Variants in MEIKIN observed in about 807,000 individuals in gnomAD.
MEIKIN encodes the protein meiosis-specific kinetochore protein.
At chr5:131,834,506 CCTGTCAACCACCATT>C (rs1288928139) in intron 11 of MEIKIN, among the ~76,000 whole-genome samples, 1 of 152,158 alleles carries the variant, frequency 6.6e-6, no homozygotes, top group Non-Finnish European at 1.5e-5. Context: ...AGCCCCAGCC[CCTGTCAACCACCATT>C]CTACTCTCTG....
At chr5:131,859,426 G>A (rs1389789925) in intron 9 of MEIKIN, among the ~76,000 whole-genome samples, 1 of 152,178 alleles carries the variant, frequency 6.6e-6, no homozygotes, top group East Asian at 1.9e-4. Flanking sequence ...AGATTTCTCT[G>A]GAATGGCTTA....
intron 11 of MEIKIN, among the ~76,000 whole-genome samples, chr5:131,820,807 G>A (rs548127239): frequency 5.3e-4 from 81 of 152,170 alleles, no homozygotes; most frequent in African/African-American, 1.7e-3. Flanking sequence ...GCATATAGTT[G>A]CTCATAGTGG....
At chr5:131,931,019 GCTT>G (rs1174414850) in intron 5 of MEIKIN, among the ~76,000 whole-genome samples, 1 of 152,076 alleles carries the variant, frequency 6.6e-6, no homozygotes, top group Non-Finnish European at 1.5e-5. Context: ...ATGTTTCCCT[GCTT>G]CTTAATTTTC....
intron 9 of MEIKIN, among the ~76,000 whole-genome samples, chr5:131,871,175 C>T (rs1469130403): frequency 6.6e-6 from 1 of 152,140 alleles, no homozygotes; most frequent in East Asian, 1.9e-4. Context: ...TGCAGTGCAC[C>T]GTGCGCAAGC....
At chr5:131,921,445 G>T (rs1751503886) in intron 6 of MEIKIN, among the ~76,000 whole-genome samples, 1 of 152,134 alleles carries the variant, frequency 6.6e-6, no homozygotes, top group Non-Finnish European at 1.5e-5. Flanking sequence ...ATCACCTGAG[G>T]TCAGGAGTTC....
intron 11 of MEIKIN, among the ~76,000 whole-genome samples, chr5:131,837,804 C>G (rs982647939): frequency 1.3e-5 from 2 of 152,102 alleles, no homozygotes; most frequent in Non-Finnish European, 2.9e-5. Context: ...AGTCAGCAAA[C>G]AGGAATAGTT....
intron 11 of MEIKIN, among the ~76,000 whole-genome samples, chr5:131,819,695 G>A (rs1403404603): frequency 1.4e-5 from 2 of 143,688 alleles, no homozygotes; most frequent in African/African-American, 2.6e-5. Context: ...TGCCTCCCAC[G>A]TTCAAGTGAT....
In MEIKIN at chr5:131,851,388, A is replaced by G. The variant is rs1750112431; in HGVS notation, c.856-5T>C. ...TTGCACTGAGGACAAATCAATCTAT[A>G]AAAGAATACATTATTGTTTTGTGGA... is the stretch of plus-strand genomic sequence containing the variant. On this transcript the variant is annotated splice_polypyrimidine_tract_variant and splice_region_variant and intron_variant, in intron 10 of 12. Coordinates refer to ENST00000442687, the MANE Select transcript of MEIKIN (RefSeq NM_001303622.2). The G allele has an allele frequency of 2.5e-6, 1 of 397,776 alleles. No homozygotes were observed. Among genetic ancestry groups the G allele is most frequent in the African/African-American group, 2.1e-5 (1 of 48,590 alleles). The allele number at this position is 397,776 out of a possible 1,614,324, so 24.6% of individuals were successfully genotyped here.
intron 8 of MEIKIN, among the ~76,000 whole-genome samples, chr5:131,884,627 G>C (rs925683226): frequency 6.6e-6 from 1 of 151,938 alleles, no homozygotes; most frequent in Non-Finnish European, 1.5e-5. Context: ...TATGGGAAGA[G>C]ACTCTCTGCC....
intron 8 of MEIKIN, among the ~76,000 whole-genome samples, chr5:131,910,940 A>C (rs1301337404): frequency 6.6e-6 from 1 of 152,088 alleles, no homozygotes; most frequent in Non-Finnish European, 1.5e-5. Context: ...CCTAGGTAAA[A>C]TCATGGTTGA....
At chr5:131,889,164 T>G (rs1046472041) in intron 8 of MEIKIN, among the ~76,000 whole-genome samples, 2 of 152,182 alleles carry the variant, frequency 1.3e-5, no homozygotes, top group African/African-American at 4.8e-5. Context: ...AGCTTTGTTC[T>G]TTTGGCTTAG....
At chr5:131,832,238 T>C (rs112816396) in intron 11 of MEIKIN, among the ~76,000 whole-genome samples, 15,861 of 152,132 alleles carry the variant, frequency 0.1, 1,928 homozygotes, top group African/African-American at 0.3. Context: ...ATGGGAGAAA[T>C]TGGCCAAAAC....
chr5:131,941,245 G>A lies in MEIKIN; in HGVS notation c.349+1390C>T, dbSNP rs183440853. Among the ~76,000 whole-genome samples, 314 of 119,048 alleles carry A rather than the reference G, an allele frequency of 2.6e-3. 14 individuals carry two copies. The highest frequency in any genetic ancestry group is 0.01 in the African/African-American group (292 of 28,672). 78.1% of individuals were successfully genotyped at this position (119,048 alleles called of 152,430 possible). Reference sequence around the variant, plus strand: ...ACAATCTTGGCTCACTGCAACCTCCGCCTCCCGGGTTCAAGCGATTCTCTT... The same window carrying A: ...ACAATCTTGGCTCACTGCAACCTCCACCTCCCGGGTTCAAGCGATTCTCTT... On this transcript the variant is annotated intron_variant, in intron 4 of 12. Coordinates refer to ENST00000442687, the MANE Select transcript of MEIKIN (RefSeq NM_001303622.2).
At chr5:131,899,651 C>G (rs1014874046) in intron 8 of MEIKIN, among the ~76,000 whole-genome samples, 4 of 151,716 alleles carry the variant, frequency 2.6e-5, no homozygotes, top group Non-Finnish European at 4.4e-5. Context: ...AAGAAATATT[C>G]CATGCCAATG....
chr5:131,815,315 A>G (rs1419042743), intron 12 of MEIKIN, among the ~76,000 whole-genome samples: 2 of 152,168 alleles, frequency 1.3e-5, no homozygotes, highest in Non-Finnish European at 2.9e-5. Flanking sequence ...ACTTGCAGGG[A>G]GGGCAGAGTT....
In MEIKIN at chr5:131,807,108, A is replaced by G; in HGVS notation, c.*128T>C. ...CTCAGTAGAATTTCAACATAGAGATATATCACAAATAACTGGAGAATTTTT... is the reference window on the plus strand; with the variant it reads ...CTCAGTAGAATTTCAACATAGAGATGTATCACAAATAACTGGAGAATTTTT... On this transcript the variant is annotated 3_prime_UTR_variant, in exon 13 of 13. Coordinates refer to ENST00000442687, the MANE Select transcript of MEIKIN (RefSeq NM_001303622.2). The G allele has an allele frequency of 2.5e-6, 1 of 394,944 alleles. No homozygotes were observed. The highest frequency in any genetic ancestry group is 4.4e-6 in the Non-Finnish European group (1 of 224,816). The allele number at this position is 394,944 out of a possible 1,614,324, so 24.5% of individuals were successfully genotyped here.
chr5:131,841,338 G>A (rs139044404), intron 11 of MEIKIN, among the ~76,000 whole-genome samples: 15 of 152,278 alleles, frequency 9.9e-5, no homozygotes, highest in African/African-American at 2.6e-4. Context: ...TCATTCTCAT[G>A]TGCCAGCAGT....
intron 11 of MEIKIN, among the ~76,000 whole-genome samples, chr5:131,820,623 T>C (rs1178496818): frequency 5.3e-5 from 8 of 152,218 alleles, no homozygotes; most frequent in African/African-American, 1.9e-4. Flanking sequence ...AAATGTTTGG[T>C]AGAATTCAGT....
chr5:131,831,624 C>T (rs1331038913), intron 11 of MEIKIN, among the ~76,000 whole-genome samples: 2 of 152,078 alleles, frequency 1.3e-5, no homozygotes, highest in Non-Finnish European at 2.9e-5. Context: ...TTGGCTTACA[C>T]TATTTGAGTT....
Sources: gnomAD v4.1 joint callset for allele counts (sites outside exome capture counted in the v4.1 genomes callset) on GRCh38, gnomAD v4.1.1 for gene constraint, MANE v1.5 for transcripts, NCBI Gene and HGNC (gene_info 2026-07-23, HGNC 2026-07-21) for gene names.